Variants in TTLL5 observed in about 807,000 individuals in gnomAD.
The protein encoded by TTLL5 is tubulin polyglutamylase TTLL5.
A neutral mutation model predicts 168.4 loss-of-function variants in TTLL5; 132 were observed. The observed-to-expected ratio is 0.78, with a 90% CI of 0.68 to 0.91. TTLL5 has a LOEUF of 0.91. TTLL5 is among the 40% of genes least tolerant of loss of function. The pLI, the probability that TTLL5 is intolerant of heterozygous loss-of-function variation, is 0.00. For synonymous variants in TTLL5, 546 were observed against 558.6 expected, an observed-to-expected ratio of 0.98 and a Z score of 0.32; for missense variants, 1,545 against 1,581.5, an observed-to-expected ratio of 0.98 and a Z score of 0.39.
At chr14:75,779,727 A>G (rs201378928) in intron 24 of TTLL5, 25 bp downstream of exon 24, 6 of 1,581,644 alleles carry the variant, frequency 3.8e-6, no homozygotes, top group African/African-American at 1.4e-5. Flanking sequence ...TAATGAACGA[A>G]AAATAAGAAG....
At chr14:75,702,965 C>T (rs10483872) in intron 7 of TTLL5, among the ~76,000 whole-genome samples, 13,059 of 152,234 alleles carry the variant, frequency 0.086, 680 homozygotes, top group Non-Finnish European at 0.11. Context: ...TTTACCCAGA[C>T]CTGCAAACCA....
At chr14:75,831,265 C>G (rs989572401) in intron 28 of TTLL5, among the ~76,000 whole-genome samples, 91 of 152,172 alleles carry the variant, frequency 6.0e-4, no homozygotes, top group Non-Finnish European at 5.3e-4. Flanking sequence ...TTGTTTAGAT[C>G]TGGAGATTTA....
intron 28 of TTLL5, among the ~76,000 whole-genome samples, chr14:75,854,524 C>T (rs1897035873): frequency 1.3e-5 from 2 of 152,020 alleles, no homozygotes; most frequent in Admixed American, 1.3e-4. Context: ...TCTTTTGGGT[C>T]AATACCTAGA....
At chr14:75,841,062 A>G (rs1014297287) in intron 28 of TTLL5, among the ~76,000 whole-genome samples, 4 of 152,302 alleles carry the variant, frequency 2.6e-5, no homozygotes, top group Admixed American at 6.5e-5. Flanking sequence ...TTTCGTGTGA[A>G]CGAACTGAGC....
At position 75,954,788 on chromosome 14, in the gene TTLL5, C is replaced by T; in HGVS notation, c.*342C>T. On this transcript the variant is annotated 3_prime_UTR_variant, in exon 32 of 32. Coordinates refer to ENST00000298832, the MANE Select transcript of TTLL5 (RefSeq NM_015072.5). ...GGTCTTCTCTGTCCCTTTACTGCTGCTGCACAGAGATGATATAAAAGAGGC... is the reference window on the plus strand; with the variant it reads ...GGTCTTCTCTGTCCCTTTACTGCTGTTGCACAGAGATGATATAAAAGAGGC... 1 of 302,462 alleles carries T rather than the reference C, an allele frequency of 3.3e-6. No homozygotes were observed. The highest frequency in any genetic ancestry group is 6.1e-6 in the Non-Finnish European group (1 of 162,682). The allele number at this position is 302,462 out of a possible 1,614,324, so 18.7% of individuals were successfully genotyped here. A position where few individuals can be genotyped will look rare whatever the true frequency, so the allele number is the denominator to read the frequency against.
At chr14:75,714,550 T>C (rs1338972741) in intron 9 of TTLL5, among the ~76,000 whole-genome samples, 1 of 152,222 alleles carries the variant, frequency 6.6e-6, no homozygotes, top group Non-Finnish European at 1.5e-5. Flanking sequence ...TCTATTTATT[T>C]ATACCAATGC....
Position 75,813,923 on chromosome 14 carries a change from C to G in TTLL5, c.3172-6084C>G, listed in dbSNP as rs562655343. Among the ~76,000 whole-genome samples, 332 of 152,026 alleles carry G rather than the reference C, an allele frequency of 2.2e-3. 1 individual carries two copies. The highest frequency in any genetic ancestry group is 7.8e-3 in the African/African-American group (323 of 41,436). ...AACATGAATTCGTAGGTTGGCAAGC[C>G]TAGATTTAATAGCACAGACACTAGT... is the stretch of plus-strand genomic sequence containing the variant. On this transcript the variant is annotated intron_variant, in intron 27 of 31. Coordinates refer to ENST00000298832, the MANE Select transcript of TTLL5 (RefSeq NM_015072.5).
At chr14:75,898,816 G>T (rs1383073846) in intron 30 of TTLL5, among the ~76,000 whole-genome samples, 1 of 152,104 alleles carries the variant, frequency 6.6e-6, no homozygotes, top group Admixed American at 6.5e-5. Flanking sequence ...CAAATGTGGC[G>T]TCTCTTCCTA....
At chr14:75,943,104 G>T (rs778561200) in intron 31 of TTLL5, among the ~76,000 whole-genome samples, 2 of 152,146 alleles carry the variant, frequency 1.3e-5, no homozygotes, top group Non-Finnish European at 2.9e-5. Context: ...GCGGTGTCGG[G>T]GAAGAGCTGG....
At chr14:75,914,033 A>AAAAAAAAAAAAAAATAT in intron 31 of TTLL5, among the ~76,000 whole-genome samples, 1 of 71,102 alleles carries the variant, frequency 1.4e-5, no homozygotes, top group Non-Finnish European at 2.1e-5. Context: ...AAAAAAAAAA[A>AAAAAAAAAAAAAAATAT]ATATATATAT....
At chr14:75,780,088 G>C (rs1470528077) in intron 24 of TTLL5, among the ~76,000 whole-genome samples, 1 of 152,162 alleles carries the variant, frequency 6.6e-6, no homozygotes, top group Non-Finnish European at 1.5e-5. Flanking sequence ...TGAGTAACTT[G>C]CCCAAGGTTA....
At chr14:75,714,460 G>T (rs1033523880) in intron 9 of TTLL5, among the ~76,000 whole-genome samples, 1 of 151,998 alleles carries the variant, frequency 6.6e-6, no homozygotes, top group Non-Finnish European at 1.5e-5. Context: ...GCCAAATGAT[G>T]ATTTTTTAAT....
intron 20 of TTLL5, among the ~76,000 whole-genome samples, chr14:75,769,151 A>G (rs908530532): frequency 1.3e-5 from 2 of 152,178 alleles, no homozygotes; most frequent in African/African-American, 4.8e-5. Context: ...TTTCTTCATG[A>G]ATCTTGTGGC....
chr14:75,667,751 GTTTTTTTTTT>G (rs67181555), intron 2 of TTLL5, among the ~76,000 whole-genome samples: 2 of 89,092 alleles, frequency 2.2e-5, no homozygotes, highest in East Asian at 3.7e-4. Context: ...ATCTTTTTAT[GTTTTTTTTTT>G]TTTTTTTTTT....
At chr14:75,728,674 T>TC (rs1566829902) in intron 12 of TTLL5, among the ~76,000 whole-genome samples, 32 of 150,984 alleles carry the variant, frequency 2.1e-4, no homozygotes, top group African/African-American at 4.6e-4. Flanking sequence ...ATTTGAATAT[T>TC]ATCATCATCA....
intron 18 of TTLL5, among the ~76,000 whole-genome samples, chr14:75,763,255 C>CTGTGTGTGTGTGTG (rs60621403): frequency 6.0e-4 from 35 of 58,592 alleles, no homozygotes; most frequent in Non-Finnish European, 1.2e-3. Flanking sequence ...AGCTCTCTCT[C>CTGTGTGTGTGTGTG]TGTGTGTGTG....
chr14:75,951,523 G>T (rs2034960340), intron 31 of TTLL5, among the ~76,000 whole-genome samples: 1 of 152,124 alleles, frequency 6.6e-6, no homozygotes. Context: ...ACTTTGGGAG[G>T]CCAGCGTGGG....
At chr14:75,876,548 A>G (rs774238233) in intron 29 of TTLL5, among the ~76,000 whole-genome samples, 12 of 152,190 alleles carry the variant, frequency 7.9e-5, no homozygotes, top group Non-Finnish European at 1.5e-4. Context: ...GACACCTTTG[A>G]CAGCTCCATA....
chr14:75,816,767 A>G (rs949677450), intron 27 of TTLL5, among the ~76,000 whole-genome samples: 2 of 152,134 alleles, frequency 1.3e-5, no homozygotes, highest in African/African-American at 4.8e-5. Context: ...TGTCTAATAT[A>G]AAAGGTCTGA....
Sources: gnomAD v4.1 joint callset for allele counts (sites outside exome capture counted in the v4.1 genomes callset) on GRCh38, gnomAD v4.1.1 for gene constraint, MANE v1.5 for transcripts, NCBI Gene and HGNC (gene_info 2026-07-23, HGNC 2026-07-21) for gene names.